The following FLRT2 variants were observed in gnomAD, a reference collection of about 807,000 sequenced individuals.
The protein encoded by FLRT2 is fibronectin leucine rich transmembrane protein 2, also known as leucine-rich repeat transmembrane protein FLRT2.
A neutral mutation model predicts 40.0 loss-of-function variants in FLRT2; 15 were observed. That is an observed-to-expected ratio of 0.38 (90% CI 0.25 to 0.58). The LOEUF is 0.58. Ranked by LOEUF, FLRT2 falls within the 20% of genes least tolerant of loss-of-function variation. FLRT2 has a pLI of 0.71. For missense variants in FLRT2, 726 were observed against 840.0 expected, an observed-to-expected ratio of 0.86 and a Z score of 1.68; for synonymous variants, 380 against 336.8, an observed-to-expected ratio of 1.13 and a Z score of -1.41.
chr14:85,602,783 T>A (rs1892433764), intron 1 of FLRT2, among the ~76,000 whole-genome samples: 2 of 152,182 alleles, frequency 1.3e-5, no homozygotes, highest in South Asian at 4.1e-4. Flanking sequence ...ATTCTTTGTG[T>A]AGGGGACCCT....
At chr14:85,598,673 A>G (rs950397478) in intron 1 of FLRT2, among the ~76,000 whole-genome samples, 2 of 152,178 alleles carry the variant, frequency 1.3e-5, no homozygotes, top group Non-Finnish European at 2.9e-5. Flanking sequence ...AGGAAACCTT[A>G]GATGTTATAA....
rs753461451 is a variant in FLRT2, at chr14:85,637,861, G to A, written c.*14364G>A. 1.3e-5 allele frequency: 2 copies of A among 152,126 alleles called. No individual in the cohort carries two copies. The highest frequency in any genetic ancestry group is 2.4e-5 in the African/African-American group (1 of 41,412). The allele number at this position is 152,126 out of a possible 1,614,324, so 9.4% of individuals were successfully genotyped here. A position where few individuals can be genotyped will look rare whatever the true frequency, so the allele number is the denominator to read the frequency against. ...TAATCACCCACCAGTGGTAATAATAGGGTTAATTATATGAACCCATATAGT... is the reference window on the plus strand; with the variant it reads ...TAATCACCCACCAGTGGTAATAATAAGGTTAATTATATGAACCCATATAGT... On this transcript the variant is annotated 3_prime_UTR_variant, in exon 2 of 2. Transcript: ENST00000330753.
chr14:85,569,090 G>A (rs1890775891), intron 1 of FLRT2, among the ~76,000 whole-genome samples: 1 of 152,156 alleles, frequency 6.6e-6, no homozygotes, highest in Non-Finnish European at 1.5e-5. Context: ...GACTTCACAG[G>A]TGGTGGATTT....
At position 85,650,362 on chromosome 14, in the gene FLRT2, G is replaced by A. The variant is rs1381141844; in HGVS notation, c.*26865G>A. 4 of 151,586 alleles carry A rather than the reference G, an allele frequency of 2.6e-5. No individual in the cohort carries two copies. Among genetic ancestry groups the A allele is most frequent in the African/African-American group, 9.7e-5 (4 of 41,304 alleles). 9.4% of individuals were successfully genotyped at this position (151,586 alleles called of 1,614,324 possible). A position where few individuals can be genotyped will look rare whatever the true frequency, so the allele number is the denominator to read the frequency against. On this transcript the variant is annotated 3_prime_UTR_variant, in exon 2 of 2. Coordinates refer to ENST00000330753, the MANE Select transcript of FLRT2 (RefSeq NM_013231.6). ...AATATATAGGTATTTTAATTTTACT[G>A]TATTATATTGTTGAACATTTCCACT... is the stretch of plus-strand genomic sequence containing the variant.
rs1892759754 is a variant in FLRT2, at chr14:85,609,330, G to T, written c.-376-11809G>T. 3.3e-5 allele frequency among the ~76,000 whole-genome samples: 5 copies of T among 152,138 alleles called. No individual in the cohort carries two copies. The South Asian group carries it at 1.0e-3, about 31-fold the overall frequency. On this transcript the variant is annotated intron_variant, in intron 1 of 1. Transcript: ENST00000330753. ...TCCTTACCCTGATAGGAGGGGTGTT[G>T]GTTGTAGGTCTAAGGTTGGTACTGT...
chr14:85,604,888 T>G (rs1302649150), intron 1 of FLRT2, among the ~76,000 whole-genome samples: 1 of 152,106 alleles, frequency 6.6e-6, no homozygotes, highest in East Asian at 1.9e-4. Flanking sequence ...GGAAGACATT[T>G]GGTCCTCCCA....
intron 1 of FLRT2, among the ~76,000 whole-genome samples, chr14:85,591,715 C>G (rs1891892781): frequency 6.6e-6 from 1 of 152,118 alleles, no homozygotes; most frequent in Admixed American, 6.5e-5. Context: ...ATTGCTTTTG[C>G]CAATTAGTAC....
chr14:85,636,340 A>C lies in FLRT2; in HGVS notation c.*12843A>C, dbSNP rs189440968. ...AATTCTACCTGGCAGTTTAAAGAACATCACTAACATTGCCTAAATGTAGGA... is the reference window on the plus strand; with the variant it reads ...AATTCTACCTGGCAGTTTAAAGAACCTCACTAACATTGCCTAAATGTAGGA... On this transcript the variant is annotated 3_prime_UTR_variant, in exon 2 of 2. Coordinates refer to ENST00000330753, the MANE Select transcript of FLRT2 (RefSeq NM_013231.6). 1 of 148,538 alleles carries C rather than the reference A, an allele frequency of 6.7e-6. No homozygotes were observed. The highest frequency in any genetic ancestry group is 6.8e-5 in the Admixed American group (1 of 14,706). The allele number at this position is 148,538 out of a possible 1,614,324, so 9.2% of individuals were successfully genotyped here.
At chr14:85,536,866 C>A (rs1594984414) in intron 1 of FLRT2, among the ~76,000 whole-genome samples, 1 of 152,142 alleles carries the variant, frequency 6.6e-6, no homozygotes, top group Admixed American at 6.5e-5. Flanking sequence ...GTGTGATCAA[C>A]ATAAATAAAA....
chr14:85,545,317 T>C (rs1594996779), intron 1 of FLRT2, among the ~76,000 whole-genome samples: 1 of 152,320 alleles, frequency 6.6e-6, no homozygotes, highest in East Asian at 1.9e-4. Context: ...GTAGGTTCTG[T>C]TGATAAAAGT....
chr14:85,566,243 C>G (rs543887618), intron 1 of FLRT2, among the ~76,000 whole-genome samples: 2 of 152,192 alleles, frequency 1.3e-5, no homozygotes, highest in East Asian at 3.9e-4. Context: ...GATACTTGGC[C>G]TAATTCATTT....
Position 85,621,802 on chromosome 14 carries a change from T to C in FLRT2, c.288T>C (p.Tyr96=), listed in dbSNP as rs764945420. The C allele has an allele frequency of 6.2e-7, 1 of 1,614,194 alleles. No homozygotes were observed. The highest frequency in any genetic ancestry group is 1.1e-5 in the South Asian group (1 of 91,084). ...AGTCGGTGCACACGGTCTACCTGTATGGCAACCAACTGGACGAATTCCCCA... is the reference window on the plus strand; with the variant it reads ...AGTCGGTGCACACGGTCTACCTGTACGGCAACCAACTGGACGAATTCCCCA... ...NVQSVHTVYL[Y]GNQLDEFPMN... The change falls in exon 2 of 2, where the codon TAT becomes TAC. Residue 96 remains tyrosine (Y), a synonymous_variant. Transcript: ENST00000330753.
Position 85,652,843 on chromosome 14 carries a change from G to A in FLRT2, c.*29346G>A, listed in dbSNP as rs953439683. The A allele has an allele frequency of 2.0e-5, 3 of 152,116 alleles. No individual in the cohort carries two copies. Among genetic ancestry groups the A allele is most frequent in the African/African-American group, 7.2e-5 (3 of 41,420 alleles). 9.4% of individuals were successfully genotyped at this position (152,116 alleles called of 1,614,324 possible). Reference sequence around the variant, plus strand: ...GCTTGGCAAATCTTCCCCTCTAGGAGATTAAAGTATTTTTTGCTCATTAAT... The same window carrying A: ...GCTTGGCAAATCTTCCCCTCTAGGAAATTAAAGTATTTTTTGCTCATTAAT... On this transcript the variant is annotated 3_prime_UTR_variant, in exon 2 of 2. Transcript: ENST00000330753.
chr14:85,568,620 T>A (rs1890743191), intron 1 of FLRT2, among the ~76,000 whole-genome samples: 1 of 152,116 alleles, frequency 6.6e-6, no homozygotes, highest in Non-Finnish European at 1.5e-5. Flanking sequence ...GTTGTTGTTG[T>A]TCTTTTTCTC....
At position 85,616,989 on chromosome 14, in the gene FLRT2, G is replaced by A. The variant is rs1430379647; in HGVS notation, c.-376-4150G>A. 2.0e-5 allele frequency among the ~76,000 whole-genome samples: 3 copies of A among 152,088 alleles called. No individual in the cohort carries two copies. In the East Asian group the frequency reaches 5.8e-4, roughly 29 times the overall value. On this transcript the variant is annotated intron_variant, in intron 1 of 1. Transcript: ENST00000330753. ...ATCTTAATTTTCTCTAGAAAATTGT[G>A]GCAATAAAGCCAACTTTCTAAAGCA...
At chr14:85,575,307 G>A (rs1018510579) in intron 1 of FLRT2, among the ~76,000 whole-genome samples, 3 of 152,050 alleles carry the variant, frequency 2.0e-5, no homozygotes, top group Admixed American at 2.0e-4. Flanking sequence ...CTGTCTGCAG[G>A]TGAGGACAGT....
At position 85,622,348 on chromosome 14, in the gene FLRT2, G is replaced by A; in HGVS notation, c.834G>A (p.Leu278=). The part of the protein sequence containing the change: ...PLTAFSNLRK[L]ERLDISNNQL... ...CAGCCTTCTCAAATCTGCGTAAGCT[G>A]GAACGGCTGGATATATCCAACAACC... is the stretch of plus-strand genomic sequence containing the variant. Residue 278 remains leucine, a synonymous_variant, in exon 2 of 2, where the codon CTG becomes CTA. Transcript: ENST00000330753. The A allele has an allele frequency of 6.2e-7, 1 of 1,614,152 alleles. No homozygotes were observed. Among genetic ancestry groups the A allele is most frequent in the Admixed American group, 1.7e-5 (1 of 60,018 alleles).
intron 1 of FLRT2, among the ~76,000 whole-genome samples, chr14:85,542,436 G>C (rs1889033633): frequency 6.6e-6 from 1 of 151,984 alleles, no homozygotes; most frequent in African/African-American, 2.4e-5. Flanking sequence ...GCATGCCCCA[G>C]ACCTCCAAGC....
At chr14:85,610,315 CT>C (rs1352680253) in intron 1 of FLRT2, among the ~76,000 whole-genome samples, 1 of 152,138 alleles carries the variant, frequency 6.6e-6, no homozygotes, top group East Asian at 1.9e-4. Context: ...TCAGAGCATA[CT>C]TTTCTTCTCC....
Sources: gnomAD v4.1 joint callset for allele counts (sites outside exome capture counted in the v4.1 genomes callset) on GRCh38, gnomAD v4.1.1 for gene constraint, MANE v1.5 for transcripts, NCBI Gene and HGNC (gene_info 2026-07-23, HGNC 2026-07-21) for gene names.